Variants in STAT3 observed in about 807,000 individuals in gnomAD.
STAT3 encodes signal transducer and activator of transcription 3, also known as DNA-binding protein APRF.
A neutral mutation model predicts 114.3 loss-of-function variants in STAT3; 7 were observed. That is an observed-to-expected ratio of 0.06 (90% CI 0.03 to 0.11). The LOEUF (loss-of-function observed/expected upper bound fraction) is 0.11. Among genes scored for constraint, STAT3 ranks in the 10% least tolerant of loss-of-function variants. The probability of loss-of-function intolerance (pLI) is 1.00; values close to 1 mark genes in which losing one functional copy is unlikely to be tolerated. For missense variants in STAT3, 364 were observed against 960.9 expected (o/e 0.38, Z 8.21); for synonymous variants, 331 against 354.5 (o/e 0.93, Z 0.74).
chr17:42,332,321 CA>C (rs1469638958), intron 10 of STAT3, among the ~76,000 whole-genome samples: 1 of 150,866 alleles, frequency 6.6e-6, no homozygotes, highest in Non-Finnish European at 1.5e-5. Context: ...AGGTGGATCA[CA>C]AGGTCAGGAG....
At chr17:42,369,038 T>C (rs1781743556) in intron 1 of STAT3, among the ~76,000 whole-genome samples, 1 of 152,116 alleles carries the variant, frequency 6.6e-6, no homozygotes, top group Admixed American at 6.6e-5. Flanking sequence ...CTAAGGATAA[T>C]AGCCTCCAGC....
At chr17:42,375,626 C>T (rs1434355366) in intron 1 of STAT3, among the ~76,000 whole-genome samples, 1 of 151,318 alleles carries the variant, frequency 6.6e-6, no homozygotes, top group Non-Finnish European at 1.5e-5. Flanking sequence ...GTTGGGAGTT[C>T]GAGACCAGCC....
chr17:42,345,504 T>C (rs2082656022), intron 4 of STAT3, 55 bp downstream of exon 4: 8 of 1,403,224 alleles, frequency 5.7e-6, no homozygotes, highest in Non-Finnish European at 7.9e-6. Flanking sequence ...CATTATAAAG[T>C]TGTTTGATTT....
At chr17:42,379,808 A>G (rs1346298690) in intron 1 of STAT3, among the ~76,000 whole-genome samples, 1 of 152,160 alleles carries the variant, frequency 6.6e-6, no homozygotes, top group African/African-American at 2.4e-5. Context: ...GTAAACAGGA[A>G]TTTACAGTTT....
At chr17:42,347,475 T>C (rs939537428) in intron 2 of STAT3, among the ~76,000 whole-genome samples, 4 of 152,134 alleles carry the variant, frequency 2.6e-5, no homozygotes, top group African/African-American at 7.2e-5. Flanking sequence ...TAAACCAAAA[T>C]CAGTAGTGAG....
At chr17:42,365,639 G>GTTTTT (rs11440924) in intron 1 of STAT3, among the ~76,000 whole-genome samples, 2 of 139,054 alleles carry the variant, frequency 1.4e-5, no homozygotes. Flanking sequence ...TGCTGTTAAA[G>GTTTTT]TTTTTTTTTT....
At chr17:42,316,116 A>C in intron 23 of STAT3, 5 of 1,304,550 alleles carry the variant, frequency 3.8e-6, no homozygotes, top group Non-Finnish European at 4.9e-6. Context: ...CGTGGCCACC[A>C]AGCATTTGAG....
intron 4 of STAT3, among the ~76,000 whole-genome samples, chr17:42,341,326 C>G (rs2082435656): frequency 6.6e-6 from 1 of 152,232 alleles, no homozygotes; most frequent in South Asian, 2.1e-4. Flanking sequence ...CCTTGGTCAC[C>G]CCAGACTCCC....
rs1362251106 is a variant in STAT3, at chr17:42,314,371, C to G, written c.*1374G>C. 1 of 232,748 alleles carries G rather than the reference C, an allele frequency of 4.3e-6. No homozygotes were observed. The highest frequency in any genetic ancestry group is 8.5e-6 in the Non-Finnish European group (1 of 117,550). 14.4% of individuals were successfully genotyped at this position (232,748 alleles called of 1,614,324 possible). ...CATGTCCAACCTGTAACTCTCTCCC[C>G]CTCTTCTTCCATGAGGTCCTGAGAC... On this transcript the variant is annotated 3_prime_UTR_variant, in exon 24 of 24. Coordinates refer to ENST00000264657, the MANE Select transcript of STAT3 (RefSeq NM_139276.3).
At chr17:42,385,303 G>T (rs2085035115) in intron 1 of STAT3, among the ~76,000 whole-genome samples, 1 of 152,072 alleles carries the variant, frequency 6.6e-6, no homozygotes, top group Non-Finnish European at 1.5e-5. Context: ...GAGGTCAGGA[G>T]TTTGAGACCA....
chr17:42,364,586 C>T (rs1342378806), intron 1 of STAT3, among the ~76,000 whole-genome samples: 1 of 152,110 alleles, frequency 6.6e-6, no homozygotes, highest in Non-Finnish European at 1.5e-5. Flanking sequence ...GAACTTAAGC[C>T]ATTCTCTTAC....
intron 21 of STAT3, among the ~76,000 whole-genome samples, chr17:42,320,726 C>T (rs1477675878): frequency 3.3e-5 from 2 of 61,002 alleles, no homozygotes; most frequent in Admixed American, 1.8e-4. Context: ...AAGACTTAGT[C>T]TAAAAAAAAA....
chr17:42,385,800 A>C (rs2085069728), intron 1 of STAT3, among the ~76,000 whole-genome samples: 1 of 152,212 alleles, frequency 6.6e-6, no homozygotes, highest in Admixed American at 6.5e-5. Context: ...GTAAATAGCT[A>C]AATTCTGATG....
intron 4 of STAT3, among the ~76,000 whole-genome samples, chr17:42,339,983 A>T (rs148773692): frequency 6.6e-6 from 1 of 152,264 alleles, no homozygotes; most frequent in African/African-American, 2.4e-5. Context: ...TAGTCAACAT[A>T]GTGAGGCCCC....
chr17:42,339,483 C>G (rs1421496181), intron 4 of STAT3, 74 bp from the exon 5 acceptor site: 10 of 1,435,178 alleles, frequency 7.0e-6, no homozygotes, highest in Non-Finnish European at 8.8e-6. Context: ...CAGCTTCCAT[C>G]CCACCCTAAC....
intron 1 of STAT3, among the ~76,000 whole-genome samples, chr17:42,380,225 C>G (rs1333399417): frequency 6.6e-6 from 1 of 151,500 alleles, no homozygotes. Flanking sequence ...TTAGTAGAGA[C>G]GGGGTCTCAC....
Position 42,338,789 on chromosome 17 carries a change from C to A in STAT3, c.492G>T (p.Val164=). The A allele has an allele frequency of 1.2e-6, 2 of 1,613,644 alleles. No homozygotes were observed. Among genetic ancestry groups the A allele is most frequent in the Non-Finnish European group, 1.7e-6 (2 of 1,179,892 alleles). Reference sequence around the variant, plus strand: ...CAAAGTCATCCTGGAGATTCTCTACCACTTTCATTTTCTGTTCTAGATCCT... The same window carrying A: ...CAAAGTCATCCTGGAGATTCTCTACAACTTTCATTTTCTGTTCTAGATCCT... The part of the protein sequence containing the change: ...RVQDLEQKMK[V]VENLQDDFDF... The change falls in exon 6 of 24, where the codon GTG becomes GTT. Residue 164 remains valine, a synonymous_variant. Coordinates refer to ENST00000264657, the MANE Select transcript of STAT3 (RefSeq NM_139276.3).
chr17:42,316,850 A>G lies in STAT3; in HGVS notation c.2196T>C (p.Asp732=). ...CATTATTTCCAAACTGCATCAATGA[A>G]TCTAAAGTGCGGGGGGACATCGGCA... The part of the protein sequence containing the change: ...IDLPMSPRTL[D]SLMQFGNNGE... The change falls in exon 23 of 24, where the codon GAT becomes GAC. Residue 732 remains aspartate, a synonymous_variant. Transcript: ENST00000264657. The G allele has an allele frequency of 6.2e-7, 1 of 1,613,466 alleles. No individual in the cohort carries two copies. Among genetic ancestry groups the G allele is most frequent in the Non-Finnish European group, 8.5e-7 (1 of 1,179,892 alleles).
chr17:42,365,274 G>A (rs1196761878), intron 1 of STAT3, among the ~76,000 whole-genome samples: 2 of 152,204 alleles, frequency 1.3e-5, no homozygotes, highest in East Asian at 1.9e-4. Flanking sequence ...AAGTAGGCAC[G>A]TGGTCTACAG....
Sources: gnomAD v4.1 joint callset for allele counts (sites outside exome capture counted in the v4.1 genomes callset) on GRCh38, gnomAD v4.1.1 for gene constraint, MANE v1.5 for transcripts, NCBI Gene and HGNC (gene_info 2026-07-23, HGNC 2026-07-21) for gene names.